The following RTN4 variants were observed in gnomAD, a reference collection of about 807,000 sequenced individuals.
The protein encoded by RTN4 is reticulon 4.
In RTN4, 32 loss-of-function variants were observed where a neutral mutation model predicts 90.4. That is an observed-to-expected ratio of 0.35 (90% CI 0.27 to 0.48). RTN4 has a LOEUF of 0.48. RTN4 is among the 20% of genes least tolerant of loss of function. The pLI is 0.99. For synonymous variants in RTN4, 629 were observed against 552.5 expected (o/e 1.14, Z -1.94); for missense variants, 1,706 against 1,430.2 (o/e 1.19, Z -3.11).
intron 2 of RTN4, among the ~76,000 whole-genome samples, chr2:55,072,010 A>C (rs1317502829): frequency 6.6e-6 from 1 of 152,162 alleles, no homozygotes; most frequent in Non-Finnish European, 1.5e-5. Flanking sequence ...GAAAGTCAAA[A>C]TGTTCATCAT....
intron 1 of RTN4, among the ~76,000 whole-genome samples, chr2:55,098,655 A>C (rs1053999820): frequency 1.3e-5 from 2 of 152,146 alleles, no homozygotes; most frequent in East Asian, 3.8e-4. Context: ...TTTCTCATAA[A>C]TGCAATTTCT....
chr2:55,006,044 T>C (rs1573361134), intron 3 of RTN4, among the ~76,000 whole-genome samples: 1 of 152,118 alleles, frequency 6.6e-6, no homozygotes, highest in Non-Finnish European at 1.5e-5. Context: ...ATTGTAGTCA[T>C]TAAAATAGCG....
chr2:55,072,107 T>G (rs1021315459), intron 2 of RTN4, among the ~76,000 whole-genome samples: 1 of 151,942 alleles, frequency 6.6e-6, no homozygotes, highest in Non-Finnish European at 1.5e-5. Context: ...TGTGCCACAA[T>G]TGGTGTAAAC....
intron 1 of RTN4, among the ~76,000 whole-genome samples, chr2:55,047,255 G>C (rs977997082): frequency 3.3e-5 from 5 of 151,656 alleles, no homozygotes; most frequent in African/African-American, 7.3e-5. Context: ...ACTTGAACCT[G>C]GGAGGCGGAG....
At chr2:55,116,807 T>C (rs994809058), upstream of RTN4, among the ~76,000 whole-genome samples, 2 of 152,094 alleles carry the variant, frequency 1.3e-5, no homozygotes, top group Non-Finnish European at 2.9e-5. Flanking sequence ...AACTTAGATG[T>C]CTCATCTCTT....
At chr2:55,118,598 A>ACACT in the RTN4 span, among the ~76,000 whole-genome samples, 1 of 152,032 alleles carries the variant, frequency 6.6e-6, no homozygotes, top group African/African-American at 2.4e-5. Flanking sequence ...CCCCCAAAAC[A>ACACT]CACTCACACA....
chr2:55,062,496 G>C (rs1240842239), intron 2 of RTN4, among the ~76,000 whole-genome samples: 4 of 152,206 alleles, frequency 2.6e-5, no homozygotes, highest in Non-Finnish European at 4.4e-5. Flanking sequence ...GAAGAGGGGA[G>C]CCACACTCCT....
At chr2:55,132,710 A>C in the RTN4 span, among the ~76,000 whole-genome samples, 1 of 149,718 alleles carries the variant, frequency 6.7e-6, no homozygotes, top group Non-Finnish European at 1.5e-5. Flanking sequence ...GCTACTTGAG[A>C]GGCTGACGAG....
upstream of RTN4, among the ~76,000 whole-genome samples, chr2:55,053,699 A>C (rs1035021057): frequency 6.7e-6 from 1 of 148,924 alleles, no homozygotes; most frequent in African/African-American, 2.6e-5. Flanking sequence ...AAAAAAACAA[A>C]AAAAAAAAGA....
At chr2:55,057,733 C>A in intron 2 of RTN4, among the ~76,000 whole-genome samples, 1 of 152,082 alleles carries the variant, frequency 6.6e-6, no homozygotes. Context: ...GCCTATAATC[C>A]CAGCACCTAG....
intron 2 of RTN4, among the ~76,000 whole-genome samples, chr2:55,079,793 T>C (rs563705328): frequency 6.6e-6 from 1 of 152,316 alleles, no homozygotes; most frequent in East Asian, 1.9e-4. Flanking sequence ...CCTGTCTGAA[T>C]ACTGCTGAAA....
At chr2:55,069,533 G>A (rs1668450373) in intron 2 of RTN4, among the ~76,000 whole-genome samples, 1 of 152,208 alleles carries the variant, frequency 6.6e-6, no homozygotes, top group Non-Finnish European at 1.5e-5. Flanking sequence ...CAACTTGTAG[G>A]TGAGTATGGA....
intron 2 of RTN4, among the ~76,000 whole-genome samples, chr2:55,070,402 C>T (rs1444641793): frequency 6.6e-6 from 1 of 151,684 alleles, no homozygotes; most frequent in Non-Finnish European, 1.5e-5. Context: ...AAATATTAAC[C>T]AGGCATGGTG....
intron 1 of RTN4, among the ~76,000 whole-genome samples, chr2:55,040,507 G>A (rs1010128699): frequency 6.6e-6 from 1 of 152,050 alleles, no homozygotes; most frequent in Non-Finnish European, 1.5e-5. Flanking sequence ...CTCAATAATG[G>A]CACCTTCCAT....
Position 54,973,274 on chromosome 2 carries a change from G to A in RTN4, c.3537-76C>T. On this transcript the variant is annotated intron_variant, in intron 8 of 8. Transcript: ENST00000337526. The stretch of plus-strand genomic sequence containing the variant: ...AAATACCATCTTCCAAGAACTACTT[G>A]TATGTTATTCAGCTAATACAATAAA... 2.4e-6 allele frequency: 3 copies of A among 1,251,432 alleles called. No homozygotes were observed. The South Asian group carries it at 3.8e-5, about 16-fold the overall frequency. The allele number at this position is 1,251,432 out of a possible 1,614,324, so 77.5% of individuals were successfully genotyped here.
At chr2:55,072,992 CA>C (rs1248743203) in intron 2 of RTN4, among the ~76,000 whole-genome samples, 1 of 152,160 alleles carries the variant, frequency 6.6e-6, no homozygotes, top group African/African-American at 2.4e-5. Flanking sequence ...TCATCTTATT[CA>C]ATCACCCCTT....
chr2:54,974,224 A>C (rs1677410803), intron 6 of RTN4: 1 of 249,292 alleles, frequency 4.0e-6, no homozygotes, highest in South Asian at 5.8e-5. Context: ...TCAGCAACTA[A>C]GGTAGCATTT....
chr2:55,021,111 T>A (rs186319233), intron 3 of RTN4, among the ~76,000 whole-genome samples: 143 of 152,332 alleles, frequency 9.4e-4, no homozygotes, highest in Middle Eastern at 6.8e-3. Flanking sequence ...AGAATTTTTT[T>A]AAAAACACAC....
upstream of RTN4, among the ~76,000 whole-genome samples, chr2:55,113,077 A>G (rs547196981): frequency 1.8e-4 from 27 of 152,304 alleles, no homozygotes; most frequent in Middle Eastern, 6.8e-3. Flanking sequence ...CAGGGCCCCA[A>G]AAACCACCAG....
Sources: gnomAD v4.1 joint callset for allele counts (sites outside exome capture counted in the v4.1 genomes callset) on GRCh38, gnomAD v4.1.1 for gene constraint, MANE v1.5 for transcripts, NCBI Gene and HGNC (gene_info 2026-07-23, HGNC 2026-07-21) for gene names.